NRCAM: variants seen among roughly 807,000 people sequenced by gnomAD.
NRCAM encodes NgCAM-related cell adhesion molecule.
NRCAM carries 83 observed loss-of-function variants against 156.5 expected under a neutral mutation model. The ratio of observed to expected loss-of-function variants is 0.53; its 90% CI spans 0.44 to 0.64. The LOEUF (loss-of-function observed/expected upper bound fraction) is 0.64, where lower values mean the gene tolerates loss of function less well. Among genes scored for constraint, NRCAM ranks in the 30% least tolerant of loss-of-function variants. NRCAM has a pLI of 0.00. For synonymous variants in NRCAM, 538 were observed against 563.9 expected (o/e 0.95, Z 0.65); for missense variants, 1,417 against 1,597.3 (o/e 0.89, Z 1.92).
intron 30 of NRCAM, among the ~76,000 whole-genome samples, chr7:108,163,701 C>A (rs1011363207): frequency 6.6e-5 from 10 of 151,834 alleles, no homozygotes; most frequent in African/African-American, 2.2e-4. Flanking sequence ...TCTGGTCATA[C>A]CAGATGGGGT....
chr7:108,173,429 T>A (rs2059293976), intron 28 of NRCAM, among the ~76,000 whole-genome samples: 1 of 152,126 alleles, frequency 6.6e-6, no homozygotes, highest in African/African-American at 2.4e-5. Context: ...GAACTTCAAT[T>A]TTTCTCCTGT....
chr7:108,280,655 G>A (rs531255527), intron 3 of NRCAM, among the ~76,000 whole-genome samples: 7 of 152,284 alleles, frequency 4.6e-5, no homozygotes, highest in South Asian at 4.1e-4. Context: ...TAGTTTGACC[G>A]TTGTCCATTT....
intron 2 of NRCAM, among the ~76,000 whole-genome samples, chr7:108,350,917 T>C (rs2099407762): frequency 6.6e-6 from 1 of 152,220 alleles, no homozygotes; most frequent in Non-Finnish European, 1.5e-5. Flanking sequence ...ATATATGTTA[T>C]ATACACAAGT....
intron 8 of NRCAM, among the ~76,000 whole-genome samples, 172 bp from the exon 9 acceptor site, chr7:108,226,550 C>T (rs1051368351): frequency 4.9e-4 from 72 of 147,618 alleles, no homozygotes; most frequent in Admixed American, 8.8e-4. Flanking sequence ...AAAAAAAATA[C>T]GTAACACACT....
chr7:108,234,291 G>A (rs1359515533), intron 6 of NRCAM, among the ~76,000 whole-genome samples: 2 of 152,054 alleles, frequency 1.3e-5, no homozygotes, highest in Non-Finnish European at 2.9e-5. Context: ...TTTTCAAGAA[G>A]AAAAAATGGG....
chr7:108,153,839 CAT>C (rs1389689802), intron 32 of NRCAM, among the ~76,000 whole-genome samples: 2 of 151,962 alleles, frequency 1.3e-5, no homozygotes, highest in Non-Finnish European at 2.9e-5. Context: ...AGACCATAAA[CAT>C]GAAGTATATA....
chr7:108,335,707 G>A (rs1256256005), intron 2 of NRCAM, among the ~76,000 whole-genome samples: 2 of 152,046 alleles, frequency 1.3e-5, no homozygotes, highest in African/African-American at 4.8e-5. Flanking sequence ...TCCTCCAGCT[G>A]AACCACAGAA....
chr7:108,166,829 A>G, intron 30 of NRCAM, 92 bp downstream of exon 30: 2 of 1,251,630 alleles, frequency 1.6e-6, no homozygotes, highest in East Asian at 2.5e-5. Context: ...CCCTACCCAT[A>G]ACACAGCTCC....
At chr7:108,217,722 A>C (rs938720891) in intron 11 of NRCAM, among the ~76,000 whole-genome samples, 1 of 152,118 alleles carries the variant, frequency 6.6e-6, no homozygotes, top group African/African-American at 2.4e-5. Flanking sequence ...TACACTGTGA[A>C]GGGAAAACCA....
At chr7:108,339,361 A>G (rs1016685707) in intron 2 of NRCAM, among the ~76,000 whole-genome samples, 1 of 152,238 alleles carries the variant, frequency 6.6e-6, no homozygotes, top group Non-Finnish European at 1.5e-5. Flanking sequence ...GTTTGCACTC[A>G]GCCAAGCCTT....
At chr7:108,278,426 A>G (rs2097726351) in intron 3 of NRCAM, among the ~76,000 whole-genome samples, 1 of 152,068 alleles carries the variant, frequency 6.6e-6, no homozygotes. Context: ...CTTTGTTTAC[A>G]CGGTGAGCAC....
At chr7:108,301,750 TA>T (rs1409124903) in intron 3 of NRCAM, among the ~76,000 whole-genome samples, 1 of 152,108 alleles carries the variant, frequency 6.6e-6, no homozygotes, top group East Asian at 1.9e-4. Context: ...AAAAAATATC[TA>T]GGGGCTCAAA....
intron 28 of NRCAM, among the ~76,000 whole-genome samples, chr7:108,169,231 G>C (rs1180933937): frequency 1.3e-5 from 2 of 152,198 alleles, no homozygotes; most frequent in East Asian, 1.9e-4. Flanking sequence ...CTTGCTACTG[G>C]GTAAAGACAA....
intron 1 of NRCAM, among the ~76,000 whole-genome samples, chr7:108,422,517 A>T (rs567425177): frequency 6.6e-6 from 1 of 152,354 alleles, no homozygotes; most frequent in African/African-American, 2.4e-5. Flanking sequence ...TGAGACGCAG[A>T]GTGTGTAATA....
At chr7:108,372,593 A>T (rs56704451) in intron 2 of NRCAM, among the ~76,000 whole-genome samples, 7,049 of 152,186 alleles carry the variant, frequency 0.046, 545 homozygotes, top group African/African-American at 0.16. Context: ...TAGGTATATT[A>T]AAAAAAGTTC....
At chr7:108,160,539 T>C (rs760443761) in intron 30 of NRCAM, 47 bp from the exon 31 acceptor site, 4 of 1,571,964 alleles carry the variant, frequency 2.5e-6, no homozygotes, top group South Asian at 1.2e-5. Flanking sequence ...TAAGGGGAGA[T>C]GGGAACTGCT....
chr7:108,203,820 T>C (rs2079511459), intron 13 of NRCAM, among the ~76,000 whole-genome samples: 1 of 152,206 alleles, frequency 6.6e-6, no homozygotes, highest in Non-Finnish European at 1.5e-5. Context: ...CTGGTCCACC[T>C]GCAATTTCTG....
chr7:108,286,551 T>C (rs1293781819), intron 3 of NRCAM, among the ~76,000 whole-genome samples: 2 of 152,276 alleles, frequency 1.3e-5, no homozygotes, highest in African/African-American at 4.8e-5. Flanking sequence ...GAAAAGGAAG[T>C]ATTTATTGAA....
chr7:108,237,877 T>G (rs1260947405), intron 4 of NRCAM, 108 bp from the exon 5 acceptor site: 4 of 769,582 alleles, frequency 5.2e-6, no homozygotes, highest in Non-Finnish European at 7.8e-6. Context: ...GCATCTTGTC[T>G]ATTTGATTTG....
Sources: gnomAD v4.1 joint callset for allele counts (sites outside exome capture counted in the v4.1 genomes callset) on GRCh38, gnomAD v4.1.1 for gene constraint, MANE v1.5 for transcripts, NCBI Gene and HGNC (gene_info 2026-07-23, HGNC 2026-07-21) for gene names.